Variants in ZNF438 observed in about 807,000 individuals in gnomAD.
ZNF438 encodes zinc finger protein 438.
Under a neutral mutation model 38.0 loss-of-function variants are expected in ZNF438, and 25 were observed. The ratio of observed to expected loss-of-function variants is 0.66; its 90% CI spans 0.48 to 0.92. The LOEUF (loss-of-function observed/expected upper bound fraction) is 0.92. Among genes scored for constraint, ZNF438 ranks in the 40% least tolerant of loss-of-function variants. ZNF438 has a pLI of 0.00. For synonymous variants in ZNF438, 372 were observed against 364.1 expected (o/e 1.02, Z -0.25); for missense variants, 1,007 against 999.6 (o/e 1.01, Z -0.10).
intron 1 of ZNF438, among the ~76,000 whole-genome samples, chr10:30,983,379 G>A (rs2052431645): frequency 6.6e-6 from 1 of 152,214 alleles, no homozygotes; most frequent in Non-Finnish European, 1.5e-5. Context: ...AACCACAGCG[G>A]AAGGCAAAGG....
At position 30,848,815 on chromosome 10, in the gene ZNF438, GGTGT is replaced by G. The variant is rs1436803502; in HGVS notation, c.1586_1589del (p.His529ProfsTer21). 1 of 1,614,220 alleles carries G rather than the reference GGTGT, an allele frequency of 6.2e-7. No individual in the cohort carries two copies. Among genetic ancestry groups the G allele is most frequent in the Admixed American group, 1.7e-5 (1 of 60,034 alleles). ...TCCGACAACTGTAAGGGCGTCTGTTGGTGTGTGTATTCATGTGGTCTCGAAGGTG... is the reference window on the plus strand; with the variant it reads ...TCCGACAACTGTAAGGGCGTCTGTTGGTGTATTCATGTGGTCTCGAAGGTG... On this transcript the variant is annotated frameshift_variant, in exon 5 of 6. Coordinates refer to ENST00000413025, the Ensembl canonical transcript of ZNF438. LOFTEE classifies it high-confidence loss of function.
At chr10:30,922,627 A>C (rs567778677) in intron 2 of ZNF438, among the ~76,000 whole-genome samples, 15 of 152,284 alleles carry the variant, frequency 9.9e-5, no homozygotes, top group African/African-American at 3.6e-4. Flanking sequence ...TGAGGTCAGG[A>C]GTTTGGGACC....
intron 3 of ZNF438, among the ~76,000 whole-genome samples, chr10:30,901,515 G>C (rs1381431115): frequency 6.6e-6 from 1 of 152,176 alleles, no homozygotes. Context: ...GGCCATGCTA[G>C]TCACTTTTAA....
intron 3 of ZNF438, among the ~76,000 whole-genome samples, chr10:30,893,369 C>T (rs372083915): frequency 6.6e-6 from 1 of 152,092 alleles, no homozygotes; most frequent in South Asian, 2.1e-4. Flanking sequence ...AAAAGGAGTC[C>T]GTTGCAAGAG....
chr10:30,881,322 T>G (rs972835518), intron 3 of ZNF438, among the ~76,000 whole-genome samples: 4 of 152,166 alleles, frequency 2.6e-5, no homozygotes, highest in Non-Finnish European at 4.4e-5. Flanking sequence ...ATAAATTATA[T>G]TTTTGTATCC....
chr10:30,969,366 C>G (rs1359510339), intron 1 of ZNF438, among the ~76,000 whole-genome samples: 1 of 152,172 alleles, frequency 6.6e-6, no homozygotes, highest in Non-Finnish European at 1.5e-5. Flanking sequence ...CACTAAATAA[C>G]AGTAAATGAG....
chr10:30,845,318 C>T (rs149014306), exon 6 of ZNF438: 14 of 1,614,106 alleles, frequency 8.7e-6, no homozygotes, highest in African/African-American at 4.0e-5. Context: ...GAACCTTCTC[C>T]GGCTTCCCTC....
chr10:30,848,761 G>A, exon 5 of ZNF438: 1 of 1,614,100 alleles, frequency 6.2e-7, no homozygotes, highest in Non-Finnish European at 8.5e-7. Flanking sequence ...TGCTCAGGCT[G>A]CCAGGACGTA....
intron 3 of ZNF438, among the ~76,000 whole-genome samples, chr10:30,898,729 G>A (rs913228874): frequency 1.1e-4 from 16 of 151,674 alleles, no homozygotes; most frequent in African/African-American, 3.4e-4. Flanking sequence ...GGTATTTTCC[G>A]CATTCCAATT....
At chr10:30,850,779 T>C (rs145948172) in intron 4 of ZNF438, among the ~76,000 whole-genome samples, 1 of 152,350 alleles carries the variant, frequency 6.6e-6, no homozygotes, top group African/African-American at 2.4e-5. Flanking sequence ...TTATTTTATA[T>C]ACATGTTCTG....
intron 4 of ZNF438, among the ~76,000 whole-genome samples, chr10:30,867,080 T>C (rs1434117235): frequency 2.0e-5 from 3 of 152,304 alleles, no homozygotes; most frequent in Middle Eastern, 3.4e-3. Context: ...TGAAAGAAGT[T>C]TCCATCTGAC....
chr10:30,887,870 TTC>T (rs949623257), intron 3 of ZNF438, among the ~76,000 whole-genome samples: 7 of 152,212 alleles, frequency 4.6e-5, no homozygotes, highest in African/African-American at 1.4e-4. Flanking sequence ...CACTGATGTT[TTC>T]TGTCACTATA....
At chr10:30,898,791 T>C (rs1435242003) in intron 3 of ZNF438, among the ~76,000 whole-genome samples, 1 of 152,132 alleles carries the variant, frequency 6.6e-6, no homozygotes, top group African/African-American at 2.4e-5. Context: ...ATCAAATGTG[T>C]AAAGTCCATC....
intron 1 of ZNF438, among the ~76,000 whole-genome samples, chr10:31,010,177 T>C (rs1253151612): frequency 2.6e-5 from 4 of 152,196 alleles, no homozygotes. Flanking sequence ...GCAGCAATGC[T>C]TACTTTAATG....
At chr10:30,893,065 A>G (rs1049232848) in intron 3 of ZNF438, among the ~76,000 whole-genome samples, 4 of 152,218 alleles carry the variant, frequency 2.6e-5, no homozygotes, top group Admixed American at 6.5e-5. Flanking sequence ...GGTTGACTTA[A>G]TATTTTTCTA....
exon 4 of ZNF438, chr10:30,877,035 T>G (rs2038536877): frequency 6.2e-7 from 1 of 1,605,596 alleles, no homozygotes; most frequent in Non-Finnish European, 8.5e-7. Flanking sequence ...AATTCTGCAT[T>G]ATGATGTACT....
chr10:31,009,576 G>A (rs2055468608), intron 1 of ZNF438, among the ~76,000 whole-genome samples: 1 of 152,182 alleles, frequency 6.6e-6, no homozygotes, highest in Admixed American at 6.5e-5. Flanking sequence ...CCATGAACAT[G>A]ATCCAATCCT....
intron 1 of ZNF438, among the ~76,000 whole-genome samples, chr10:31,013,905 A>G (rs1448330308): frequency 6.6e-6 from 1 of 152,200 alleles, no homozygotes; most frequent in African/African-American, 2.4e-5. Flanking sequence ...AAAGAGTTAA[A>G]ACTGTTTTTA....
chr10:30,848,919 T>C (rs774562665), exon 5 of ZNF438: 3 of 1,614,242 alleles, frequency 1.9e-6, no homozygotes, highest in Non-Finnish European at 2.5e-6. Context: ...AATCCATTTC[T>C]GAACACGGAG....
Sources: allele counts gnomAD v4.1 joint callset (sites outside exome capture counted in the v4.1 genomes callset), GRCh38; gene constraint gnomAD v4.1.1; transcripts MANE v1.5; gene names NCBI Gene and HGNC (gene_info 2026-07-23, HGNC 2026-07-21).